PLEKHB1: variants seen among roughly 807,000 people sequenced by gnomAD.
PLEKHB1 encodes the protein pleckstrin homology domain-containing family B member 1.
A neutral mutation model predicts 36.2 loss-of-function variants in PLEKHB1; 29 were observed. That is an observed-to-expected ratio of 0.80 (90% confidence interval 0.60 to 1.09). PLEKHB1 has a LOEUF of 1.09. PLEKHB1 is among the 50% of genes least tolerant of loss of function. The pLI is 0.00. For missense variants in PLEKHB1, 330 were observed against 348.2 expected, an observed-to-expected ratio of 0.95 and a Z score of 0.42; for synonymous variants, 138 against 140.0, an observed-to-expected ratio of 0.99 and a Z score of 0.10.
At chr11:73,646,674 G>A (rs1421761138) in intron 1 of PLEKHB1, 48 bp downstream of exon 1, 28 of 1,548,442 alleles carry the variant, frequency 1.8e-5, no homozygotes, top group Non-Finnish European at 2.3e-5. Flanking sequence ...GGGCAGGGTG[G>A]GCACCCTTGC....
chr11:73,648,567 A>G, intron 1 of PLEKHB1: 10 of 934,218 alleles, frequency 1.1e-5, no homozygotes, highest in Non-Finnish European at 1.3e-5. Context: ...CTGCACTTCC[A>G]CATTACAGAA....
chr11:73,661,176 C>A lies in PLEKHB1; in HGVS notation c.596-290C>A, dbSNP rs978239599. ...CTCTGGGGCCTGGCGGTTGGGAATG[C>A]CCATCGTTAGGCGCCTGGTGGTTGT... On this transcript the variant is annotated intron_variant, in intron 7 of 7. Transcript: ENST00000354190. This position sits in a 1 kb window ranked among gnomAD's most constrained non-coding sequence, Gnocchi z 4.6. Among the ~76,000 whole-genome samples the A allele has an allele frequency of 6.6e-6, 1 of 152,200 alleles. No individual in the cohort carries two copies. Among genetic ancestry groups the A allele is most frequent in the African/African-American group, 2.4e-5 (1 of 41,452 alleles).
At position 73,661,207 on chromosome 11, in the gene PLEKHB1, G is replaced by A. The variant is rs1945108727; in HGVS notation, c.596-259G>A. On this transcript the variant is annotated intron_variant, in intron 7 of 7. Transcript: ENST00000354190. The surrounding 1 kb of genome is among the most constrained non-coding windows in gnomAD (Gnocchi z 4.6). Reference sequence around the variant, plus strand: ...GTTAGGCGCCTGGTGGTTGTGCTTAGCGATCTCAGGGTTTCCTCGCTGCTC... The same window carrying A: ...GTTAGGCGCCTGGTGGTTGTGCTTAACGATCTCAGGGTTTCCTCGCTGCTC... Among the ~76,000 whole-genome samples the A allele has an allele frequency of 6.6e-6, 1 of 152,216 alleles. No individual in the cohort carries two copies. The highest frequency in any genetic ancestry group is 1.5e-5 in the Non-Finnish European group (1 of 68,040).
Position 73,652,027 on chromosome 11 carries a change from C to T in PLEKHB1, c.350+137C>T, listed in dbSNP as rs181929200. Reference sequence around the variant, plus strand: ...GTCAGCAAGGGAGTCTTATTGGAGGCGGGTGGAGTGGATTTGAAGGGCTTG... The same window carrying T: ...GTCAGCAAGGGAGTCTTATTGGAGGTGGGTGGAGTGGATTTGAAGGGCTTG... On this transcript the variant is annotated intron_variant, in intron 4 of 7. Coordinates refer to ENST00000354190, the MANE Select transcript of PLEKHB1 (RefSeq NM_021200.3). 1,559 of 721,722 alleles carry T rather than the reference C, an allele frequency of 2.2e-3. 3 individuals are homozygous for T. The highest frequency in any genetic ancestry group is 3.0e-3 in the Middle Eastern group (8 of 2,642). The allele number at this position is 721,722 out of a possible 1,614,324, so 44.7% of individuals were successfully genotyped here.
intron 5 of PLEKHB1, 54 bp from the exon 6 acceptor site, chr11:73,655,749 C>T: frequency 6.7e-7 from 1 of 1,493,426 alleles, no homozygotes. Flanking sequence ...GTGTAGAGGG[C>T]CTCTGACACC....
chr11:73,650,522 G>C (rs759514945), intron 2 of PLEKHB1, 31 bp from the exon 3 acceptor site: 7 of 1,580,828 alleles, frequency 4.4e-6, no homozygotes, highest in Non-Finnish European at 6.0e-6. Flanking sequence ...TCTGGGATCA[G>C]CCTGCCTAGT....
chr11:73,653,526 C>T (rs1255447009), intron 5 of PLEKHB1: 2 of 449,824 alleles, frequency 4.4e-6, no homozygotes, highest in Non-Finnish European at 9.0e-6. Context: ...AGACATGGAA[C>T]AACTAATTAA....
chr11:73,657,463 G>C (rs1216963130), intron 6 of PLEKHB1, among the ~76,000 whole-genome samples: 1 of 152,192 alleles, frequency 6.6e-6, no homozygotes, highest in African/African-American at 2.4e-5. Context: ...CCCCTGATTG[G>C]TCAACACTGG....
intron 5 of PLEKHB1, among the ~76,000 whole-genome samples, chr11:73,655,320 T>C (rs1008448396): frequency 6.6e-6 from 1 of 152,158 alleles, no homozygotes; most frequent in Non-Finnish European, 1.5e-5. Context: ...TTTATGGGCT[T>C]CTCTCTGTAG....
chr11:73,655,641 C>T (rs916591115), intron 5 of PLEKHB1, among the ~76,000 whole-genome samples, 162 bp from the exon 6 acceptor site: 4 of 152,192 alleles, frequency 2.6e-5, no homozygotes, highest in South Asian at 2.1e-4. Context: ...GAGCCTCCCC[C>T]GTTACCATGA....
At chr11:73,654,213 G>A (rs1364198110) in intron 5 of PLEKHB1, among the ~76,000 whole-genome samples, 2 of 152,194 alleles carry the variant, frequency 1.3e-5, no homozygotes, top group African/African-American at 4.8e-5. Context: ...GGAGTCAACA[G>A]AGCTTGTGAC....
At chr11:73,656,684 T>C (rs1525749) in intron 6 of PLEKHB1, among the ~76,000 whole-genome samples, 76,342 of 151,882 alleles carry the variant, frequency 0.5, 20,724 homozygotes, top group Non-Finnish European at 0.61. Context: ...GGGGCTTGAG[T>C]GAGAGTACCT....
intron 6 of PLEKHB1, among the ~76,000 whole-genome samples, chr11:73,660,033 T>G (rs937870361): frequency 7.2e-5 from 11 of 152,212 alleles, no homozygotes; most frequent in African/African-American, 2.2e-4. Flanking sequence ...GCCATGATAA[T>G]GTCGTAGGGC....
At chr11:73,649,165 C>T in intron 2 of PLEKHB1, 78 bp downstream of exon 2, 1 of 1,504,696 alleles carries the variant, frequency 6.6e-7, no homozygotes, top group Non-Finnish European at 9.0e-7. Context: ...GAACACTTCT[C>T]TCAAGAAACC....
At chr11:73,660,589 A>T (rs2134830810) in intron 6 of PLEKHB1, 164 bp from the exon 7 acceptor site, 1 of 633,320 alleles carries the variant, frequency 1.6e-6, no homozygotes, top group South Asian at 1.9e-5. Context: ...CCTTGTGGGG[A>T]GGGCAGGGCC....
chr11:73,661,682 A>G lies in PLEKHB1; in HGVS notation c.*80A>G. The G allele has an allele frequency of 6.8e-7, 1 of 1,478,658 alleles. No individual in the cohort carries two copies. 91.6% of individuals were successfully genotyped at this position (1,478,658 alleles called of 1,614,324 possible). A position where few individuals can be genotyped will look rare whatever the true frequency, so the allele number is the denominator to read the frequency against. On this transcript the variant is annotated 3_prime_UTR_variant, in exon 8 of 8. Coordinates refer to ENST00000354190, the MANE Select transcript of PLEKHB1 (RefSeq NM_021200.3). This position sits in a 1 kb window ranked among gnomAD's most constrained non-coding sequence, Gnocchi z 4.6. Reference sequence around the variant, plus strand: ...TCCTGGACCCCATCCTCTACCATCCAAGCCCTGTCCCACTTTGGCCCTATC... The same window carrying G: ...TCCTGGACCCCATCCTCTACCATCCGAGCCCTGTCCCACTTTGGCCCTATC...
At chr11:73,646,851 C>T (rs1447343739) in intron 1 of PLEKHB1, among the ~76,000 whole-genome samples, 1 of 152,098 alleles carries the variant, frequency 6.6e-6, no homozygotes, top group Non-Finnish European at 1.5e-5. Context: ...CAGGTGGGCT[C>T]CCGCCAGTCC....
chr11:73,653,379 C>T (rs545795282), intron 5 of PLEKHB1: 1 of 523,580 alleles, frequency 1.9e-6, no homozygotes. Flanking sequence ...GATGATAAGA[C>T]TGAAGCTCAT....
intron 7 of PLEKHB1, 21 bp downstream of exon 7, chr11:73,660,873 G>A: frequency 3.8e-6 from 6 of 1,563,428 alleles, no homozygotes; most frequent in Non-Finnish European, 5.2e-6. Flanking sequence ...AGCGTGCCCC[G>A]GGGCTTGCCT....
Sources: allele counts gnomAD v4.1 joint callset (sites outside exome capture counted in the v4.1 genomes callset), GRCh38; gene constraint gnomAD v4.1.1; non-coding constraint Gnocchi (gnomAD v3.1); transcripts MANE v1.5; gene names NCBI Gene and HGNC (gene_info 2026-07-23, HGNC 2026-07-21).